ATP9B: variants seen among roughly 807,000 people sequenced by gnomAD.
ATP9B encodes the protein ATPase phospholipid transporting 9B, also known as probable phospholipid-transporting ATPase IIB.
ATP9B carries 110 observed loss-of-function variants against 146.1 expected under a neutral mutation model. The ratio of observed to expected loss-of-function variants is 0.75; its 90% CI spans 0.65 to 0.88. The LOEUF (loss-of-function observed/expected upper bound fraction) is 0.88. Ranked by LOEUF, ATP9B falls within the 40% of genes least tolerant of loss-of-function variation. The pLI, the probability that ATP9B is intolerant of heterozygous loss-of-function variation, is 0.00. For synonymous variants in ATP9B, 604 were observed against 569.7 expected (o/e 1.06, Z -0.86); for missense variants, 1,499 against 1,496.4 (o/e 1.00, Z -0.03).
At chr18:79,299,609 C>A (rs1599758266) in intron 13 of ATP9B, among the ~76,000 whole-genome samples, 2 of 152,282 alleles carry the variant, frequency 1.3e-5, no homozygotes, top group Non-Finnish European at 2.9e-5. Flanking sequence ...GAAAGGAATC[C>A]TCACCCTCCT....
chr18:79,096,661 A>G lies in ATP9B; in HGVS notation c.293+12A>G. The G allele has an allele frequency of 6.3e-7, 1 of 1,598,546 alleles. No individual in the cohort carries two copies. On this transcript the variant is annotated intron_variant, in intron 2 of 29. Coordinates refer to ENST00000426216, the MANE Select transcript of ATP9B (RefSeq NM_198531.5). ...TTCCTCTGTACCAGGTTTGTTATCC[A>G]TTGCTACCTAATTTCCTTATATGCT...
chr18:79,220,301 C>T (rs1223904157), intron 11 of ATP9B, among the ~76,000 whole-genome samples: 3 of 152,156 alleles, frequency 2.0e-5, no homozygotes, highest in Non-Finnish European at 1.5e-5. Context: ...GCATCCTTTC[C>T]TTCTTACAAA....
chr18:79,266,952 C>G (rs974948025), intron 12 of ATP9B, among the ~76,000 whole-genome samples: 5 of 151,870 alleles, frequency 3.3e-5, no homozygotes, highest in African/African-American at 1.2e-4. Context: ...CTGGATTATG[C>G]TAGTCTCATA....
intron 1 of ATP9B, among the ~76,000 whole-genome samples, chr18:79,094,763 T>G (rs954558553): frequency 6.6e-6 from 1 of 152,222 alleles, no homozygotes; most frequent in African/African-American, 2.4e-5. Flanking sequence ...GAGCCTGTTT[T>G]AGATACCTGG....
intron 12 of ATP9B, among the ~76,000 whole-genome samples, chr18:79,255,808 G>C (rs952516264): frequency 6.6e-6 from 1 of 152,154 alleles, no homozygotes; most frequent in African/African-American, 2.4e-5. Flanking sequence ...CTGTCTCAAG[G>C]GTGGTGTATT....
chr18:79,141,138 T>A (rs1271334721), intron 5 of ATP9B, among the ~76,000 whole-genome samples: 1 of 151,994 alleles, frequency 6.6e-6, no homozygotes, highest in Non-Finnish European at 1.5e-5. Context: ...ATCATGGGAG[T>A]GGTTACCCCC....
intron 11 of ATP9B, among the ~76,000 whole-genome samples, chr18:79,240,741 C>T (rs758515427): frequency 2.0e-5 from 3 of 152,124 alleles, no homozygotes; most frequent in Non-Finnish European, 4.4e-5. Context: ...AGCGAAACTC[C>T]GCCTCAAAAA....
At chr18:79,221,134 C>T (rs1340681380) in intron 11 of ATP9B, among the ~76,000 whole-genome samples, 1 of 152,206 alleles carries the variant, frequency 6.6e-6, no homozygotes, top group Non-Finnish European at 1.5e-5. Flanking sequence ...GACTGTGTGG[C>T]CGAGACCAGG....
intron 2 of ATP9B, 44 bp from the exon 3 acceptor site, chr18:79,110,311 A>G (rs771461209): frequency 6.7e-7 from 1 of 1,493,640 alleles, no homozygotes; most frequent in South Asian, 1.4e-5. Flanking sequence ...ACTTTTTTAA[A>G]AAGCAAAAAA....
intron 11 of ATP9B, among the ~76,000 whole-genome samples, chr18:79,227,480 G>A (rs1350864880): frequency 6.6e-6 from 1 of 151,956 alleles, no homozygotes; most frequent in Non-Finnish European, 1.5e-5. Context: ...GGGTAGATGA[G>A]TAGGTAAGTA....
intron 2 of ATP9B, among the ~76,000 whole-genome samples, chr18:79,108,830 C>T (rs1239036383): frequency 6.6e-6 from 1 of 152,224 alleles, no homozygotes; most frequent in Non-Finnish European, 1.5e-5. Context: ...AGTTGAGACA[C>T]ACACACATGC....
At chr18:79,215,082 C>T (rs1486652953) in intron 11 of ATP9B, among the ~76,000 whole-genome samples, 3 of 139,232 alleles carry the variant, frequency 2.2e-5, no homozygotes, top group Non-Finnish European at 4.5e-5. Context: ...CGGGAGGTGG[C>T]GGTTGCAGTG....
At chr18:79,104,866 C>T (rs1410705016) in intron 2 of ATP9B, among the ~76,000 whole-genome samples, 1 of 152,074 alleles carries the variant, frequency 6.6e-6, no homozygotes, top group African/African-American at 2.4e-5. Flanking sequence ...ACCACAGCCT[C>T]CCAAGTAGCT....
chr18:79,308,215 C>T (rs1161959934), intron 15 of ATP9B, among the ~76,000 whole-genome samples: 1 of 152,120 alleles, frequency 6.6e-6, no homozygotes, highest in African/African-American at 2.4e-5. Flanking sequence ...GGAACTGGAA[C>T]CTGCATGCAC....
At chr18:79,097,546 C>A (rs868101268) in intron 2 of ATP9B, among the ~76,000 whole-genome samples, 1 of 91,150 alleles carries the variant, frequency 1.1e-5, no homozygotes, top group Non-Finnish European at 1.9e-5. Flanking sequence ...CCACCACAGT[C>A]CCCAGAGTGT....
intron 17 of ATP9B, among the ~76,000 whole-genome samples, chr18:79,335,309 A>C (rs1002116999): frequency 2.0e-5 from 3 of 152,156 alleles, no homozygotes; most frequent in African/African-American, 7.2e-5. Flanking sequence ...CAGGACTGGG[A>C]TGTGTGTCAC....
intron 12 of ATP9B, chr18:79,255,105 C>T (rs1198605532): frequency 6.6e-6 from 1 of 152,084 alleles, no homozygotes; most frequent in Non-Finnish European, 1.5e-5. Flanking sequence ...GTTGAATGGA[C>T]CCATTACAAA....
At chr18:79,131,422 C>T (rs1003210991) in intron 5 of ATP9B, among the ~76,000 whole-genome samples, 3 of 152,184 alleles carry the variant, frequency 2.0e-5, no homozygotes, top group Non-Finnish European at 2.9e-5. Flanking sequence ...ACATGTGAAA[C>T]GACAGTCAGT....
intron 25 of ATP9B, chr18:79,353,682 C>T (rs1028682323): frequency 7.9e-5 from 12 of 152,206 alleles, no homozygotes; most frequent in African/African-American, 1.2e-4. Context: ...TCACAGGCCT[C>T]GTCCTTGGGG....
Sources: gnomAD v4.1 joint callset for allele counts (sites outside exome capture counted in the v4.1 genomes callset) on GRCh38, gnomAD v4.1.1 for gene constraint, MANE v1.5 for transcripts, NCBI Gene and HGNC (gene_info 2026-07-23, HGNC 2026-07-21) for gene names.